THSD4: variants seen among roughly 807,000 people sequenced by gnomAD.
THSD4 encodes the protein thrombospondin type 1 domain containing 4.
Under a neutral mutation model 119.0 loss-of-function variants are expected in THSD4, and 69 were observed. The observed-to-expected ratio is 0.58, with a 90% CI of 0.48 to 0.71. The LOEUF is 0.71. Ranked by LOEUF, THSD4 falls within the 30% of genes least tolerant of loss-of-function variation. The probability of loss-of-function intolerance (pLI) is 0.00; values close to 1 mark genes in which losing one functional copy is unlikely to be tolerated. For synonymous variants in THSD4, 524 were observed against 540.4 expected (o/e 0.97, Z 0.42); for missense variants, 1,393 against 1,391.1 (o/e 1.00, Z -0.02).
chr15:71,151,037 G>C (rs2040717561), intron 2 of THSD4, among the ~76,000 whole-genome samples: 1 of 152,178 alleles, frequency 6.6e-6, no homozygotes, highest in African/African-American at 2.4e-5. Context: ...GACATAGTAT[G>C]TGAGACGGTA....
At chr15:71,662,293 G>A (rs1437537807) in intron 8 of THSD4, among the ~76,000 whole-genome samples, 1 of 152,104 alleles carries the variant, frequency 6.6e-6, no homozygotes, top group Non-Finnish European at 1.5e-5. Context: ...ATGGCAGATG[G>A]GACTCAGAGA....
chr15:71,760,264 A>T (rs890949791), intron 15 of THSD4, among the ~76,000 whole-genome samples: 1 of 152,116 alleles, frequency 6.6e-6, no homozygotes, highest in African/African-American at 2.4e-5. Context: ...ACTCACTAAG[A>T]GGTTGTGAGC....
chr15:71,321,213 C>T (rs1456928137), intron 6 of THSD4, among the ~76,000 whole-genome samples: 1 of 152,192 alleles, frequency 6.6e-6, no homozygotes, highest in Non-Finnish European at 1.5e-5. Flanking sequence ...CTAAGATCTT[C>T]TGCAGCTTCA....
chr15:71,377,201 A>T (rs1384741944), intron 6 of THSD4, among the ~76,000 whole-genome samples: 2 of 152,260 alleles, frequency 1.3e-5, no homozygotes, highest in Non-Finnish European at 2.9e-5. Flanking sequence ...CAAACCTGAC[A>T]CAAAGAGGGA....
chr15:71,215,379 C>G lies in THSD4; in HGVS notation c.444C>G (p.Leu148=). 3 of 1,531,514 alleles carry G rather than the reference C, an allele frequency of 2.0e-6. No homozygotes were observed. Among genetic ancestry groups the G allele is most frequent in the Non-Finnish European group, 2.6e-6 (3 of 1,144,898 alleles). 94.9% of individuals were successfully genotyped at this position (1,531,514 alleles called of 1,614,324 possible). The stretch of plus-strand genomic sequence containing the variant: ...GCCGGCACCCACAGCCCCAGGGCCT[C>G]GAAGTCACTGGGGACAGAAGGTACA... ...RGSRHPQPQG[L]EVTGDRRSRT... Residue 148 remains leucine (L), a synonymous_variant, in exon 4 of 18, where the codon CTC becomes CTG. Transcript: ENST00000261862.
intron 8 of THSD4, among the ~76,000 whole-genome samples, chr15:71,716,561 G>GGGGTGTGTGTGTGTGTGTGTGTGTGT (rs1555445094): frequency 3.5e-5 from 5 of 144,564 alleles, no homozygotes; most frequent in Non-Finnish European, 7.5e-5. Flanking sequence ...TAGAGTGTGG[G>GGGGTGTGTGTGTGTGTGTGTGTGTGT]GTGTGTGTGT....
chr15:71,262,965 CTTTTA>C (rs911753602), intron 6 of THSD4, among the ~76,000 whole-genome samples: 5 of 151,036 alleles, frequency 3.3e-5, no homozygotes, highest in African/African-American at 4.9e-5. Context: ...TTTTTTCTAA[CTTTTA>C]TTTTAAGTTC....
intron 15 of THSD4, among the ~76,000 whole-genome samples, chr15:71,764,701 A>G (rs1437567718): frequency 6.6e-6 from 1 of 152,180 alleles, no homozygotes; most frequent in Non-Finnish European, 1.5e-5. Flanking sequence ...CAACCAAATG[A>G]CCTGGCTGGT....
intron 7 of THSD4, among the ~76,000 whole-genome samples, chr15:71,442,159 T>C (rs1185278212): frequency 2.0e-5 from 3 of 151,960 alleles, no homozygotes; most frequent in Non-Finnish European, 4.4e-5. Flanking sequence ...GGGGTTTCAC[T>C]GTGTTGGCCA....
intron 1 of THSD4, among the ~76,000 whole-genome samples, chr15:71,135,620 A>AG (rs1389755947): frequency 6.6e-6 from 1 of 152,182 alleles, no homozygotes; most frequent in Non-Finnish European, 1.5e-5. Flanking sequence ...CCATTTATTC[A>AG]GGGGGTACCT....
intron 10 of THSD4, among the ~76,000 whole-genome samples, chr15:71,736,641 C>G (rs55930741): frequency 0.057 from 8,733 of 152,148 alleles, 263 homozygotes; most frequent in South Asian, 0.12. Context: ...CACTTGCTCT[C>G]TCTCTCCCTT....
chr15:71,285,701 A>G (rs1030439297), intron 6 of THSD4, among the ~76,000 whole-genome samples: 13 of 152,028 alleles, frequency 8.6e-5, no homozygotes, highest in African/African-American at 2.9e-4. Context: ...TAAAAATACA[A>G]AAATTAGCTG....
At chr15:71,550,809 G>A (rs1309530981) in intron 7 of THSD4, among the ~76,000 whole-genome samples, 1 of 152,270 alleles carries the variant, frequency 6.6e-6, no homozygotes, top group Non-Finnish European at 1.5e-5. Flanking sequence ...TACAGACAAG[G>A]TTTCTTTTCA....
intron 9 of THSD4, 184 bp downstream of exon 9, chr15:71,728,908 C>A: frequency 2.9e-6 from 2 of 699,544 alleles, no homozygotes; most frequent in Non-Finnish European, 4.8e-6. Flanking sequence ...TGAATGGGCC[C>A]AGCTCACAGC....
intron 5 of THSD4, among the ~76,000 whole-genome samples, chr15:71,250,782 A>G (rs2044251446): frequency 1.3e-5 from 2 of 152,182 alleles, no homozygotes; most frequent in Non-Finnish European, 2.9e-5. Flanking sequence ...AGGGATCTCG[A>G]ATATTTAAAA....
chr15:71,156,954 T>G (rs999887577), intron 3 of THSD4, among the ~76,000 whole-genome samples: 2 of 152,210 alleles, frequency 1.3e-5, no homozygotes, highest in African/African-American at 4.8e-5. Context: ...CCCCCTCCCC[T>G]GCTTACTCTG....
chr15:71,264,683 A>G (rs866273267), intron 6 of THSD4, among the ~76,000 whole-genome samples: 6 of 152,200 alleles, frequency 3.9e-5, no homozygotes, highest in Non-Finnish European at 5.9e-5. Flanking sequence ...GAATAACAAA[A>G]TGGATTTTAC....
At chr15:71,647,705 C>T (rs577588470) in intron 7 of THSD4, among the ~76,000 whole-genome samples, 54 of 152,214 alleles carry the variant, frequency 3.5e-4, no homozygotes, top group South Asian at 2.1e-3. Flanking sequence ...TGAGAAAAAT[C>T]GTTACTATTT....
At chr15:71,199,744 T>TGTGTAGTGTGA in intron 3 of THSD4, among the ~76,000 whole-genome samples, 1 of 148,110 alleles carries the variant, frequency 6.8e-6, no homozygotes, top group African/African-American at 2.6e-5. Context: ...GTGTAGTGTG[T>TGTGTAGTGTGA]GTGGGTGTGT....
Sources: allele counts gnomAD v4.1 joint callset (sites outside exome capture counted in the v4.1 genomes callset), GRCh38; gene constraint gnomAD v4.1.1; transcripts MANE v1.5; gene names NCBI Gene and HGNC (gene_info 2026-07-23, HGNC 2026-07-21).